TMC7: variants seen among roughly 807,000 people sequenced by gnomAD.
TMC7 encodes transmembrane channel-like protein 7.
TMC7 carries 54 observed loss-of-function variants against 82.9 expected under a neutral mutation model. The observed-to-expected ratio is 0.65, with a 90% CI of 0.52 to 0.82. The LOEUF (loss-of-function observed/expected upper bound fraction) is 0.82, where lower values mean the gene tolerates loss of function less well. Among genes scored for constraint, TMC7 ranks in the 40% least tolerant of loss-of-function variants. The pLI is 0.00. For synonymous variants in TMC7, 350 were observed against 337.9 expected, an observed-to-expected ratio of 1.04 and a Z score of -0.39; for missense variants, 820 against 901.2, an observed-to-expected ratio of 0.91 and a Z score of 1.15.
chr16:19,001,474 A>T (rs2039139775), intron 1 of TMC7, among the ~76,000 whole-genome samples: 1 of 152,180 alleles, frequency 6.6e-6, no homozygotes. Context: ...TGAGCCCAGA[A>T]GTTCGAGACT....
At chr16:18,996,184 C>T (rs1016966528) in intron 1 of TMC7, among the ~76,000 whole-genome samples, 1 of 151,988 alleles carries the variant, frequency 6.6e-6, no homozygotes, top group African/African-American at 2.4e-5. Flanking sequence ...TGGGACCTGG[C>T]TTGGCCTGGC....
chr16:19,010,157 C>CCCTCT (rs1309625664), intron 2 of TMC7, among the ~76,000 whole-genome samples: 1 of 141,402 alleles, frequency 7.1e-6, no homozygotes, highest in Non-Finnish European at 1.5e-5. Context: ...CCCTCCCCTC[C>CCCTCT]TCTCCTCTCC....
chr16:19,060,236 A>G (rs1197453684), intron 15 of TMC7, among the ~76,000 whole-genome samples: 1 of 151,814 alleles, frequency 6.6e-6, no homozygotes, highest in African/African-American at 2.4e-5. Context: ...ACGGGGTCTC[A>G]CTCTCTCGCC....
intron 1 of TMC7, among the ~76,000 whole-genome samples, chr16:19,007,706 A>T (rs2039266225): frequency 6.6e-6 from 1 of 151,832 alleles, no homozygotes; most frequent in Non-Finnish European, 1.5e-5. Flanking sequence ...ATAAAGAGAG[A>T]CAATACCTGA....
chr16:19,045,847 C>T (rs1042392855), intron 11 of TMC7, among the ~76,000 whole-genome samples: 5 of 152,016 alleles, frequency 3.3e-5, no homozygotes, highest in African/African-American at 4.8e-5. Flanking sequence ...CCACCTGCCT[C>T]GGGCTTCCAA....
At chr16:19,023,978 TATAC>T (rs1243677306) in intron 5 of TMC7, among the ~76,000 whole-genome samples, 1 of 152,188 alleles carries the variant, frequency 6.6e-6, no homozygotes, top group Non-Finnish European at 1.5e-5. Flanking sequence ...GATATGCACA[TATAC>T]CTGCATATCA....
At chr16:19,002,325 C>T (rs922926784) in intron 1 of TMC7, among the ~76,000 whole-genome samples, 1 of 151,692 alleles carries the variant, frequency 6.6e-6, no homozygotes, top group African/African-American at 2.4e-5. Flanking sequence ...CAACCCCCGC[C>T]TCCTGGGTTC....
At chr16:19,006,286 C>T (rs757542739) in intron 1 of TMC7, among the ~76,000 whole-genome samples, 7 of 151,832 alleles carry the variant, frequency 4.6e-5, no homozygotes, top group East Asian at 3.9e-4. Flanking sequence ...CTGCAACCTC[C>T]GCCTCCTGGG....
intron 1 of TMC7, among the ~76,000 whole-genome samples, chr16:19,007,339 T>C (rs1373096043): frequency 6.6e-6 from 1 of 152,138 alleles, no homozygotes; most frequent in Non-Finnish European, 1.5e-5. Context: ...ATTACTTCCA[T>C]TGAGTCCTTT....
In TMC7 at chr16:18,984,087, G is replaced by A; in HGVS notation, c.24G>A (p.Ala8=). 1 of 1,500,738 alleles carries A rather than the reference G, an allele frequency of 6.7e-7. No individual in the cohort carries two copies. Among genetic ancestry groups the A allele is most frequent in the Admixed American group, 2.1e-5 (1 of 47,160 alleles). The allele number at this position is 1,500,738 out of a possible 1,614,324, so 93.0% of individuals were successfully genotyped here. A position where few individuals can be genotyped will look rare whatever the true frequency, so the allele number is the denominator to read the frequency against. The stretch of plus-strand genomic sequence containing the variant: ...CCATGAGCGAGTCCAGCGGCAGTGC[G>A]CTCCAGCCCGGCAGGCCCAGCCGGC... The part of the protein sequence containing the change: MSESSGS[A]LQPGRPSRQP... The change falls in exon 1 of 16, where the codon GCG becomes GCA. Residue 8 remains alanine (A), a synonymous_variant. Transcript: ENST00000304381.
At chr16:18,999,827 G>A (rs186836369) in intron 1 of TMC7, among the ~76,000 whole-genome samples, 2,942 of 152,094 alleles carry the variant, frequency 0.019, 46 homozygotes, top group South Asian at 0.08. Flanking sequence ...GCAGTGGCGC[G>A]ATCTCGGCTC....
intron 14 of TMC7, among the ~76,000 whole-genome samples, chr16:19,058,279 C>A (rs1004220325): frequency 2.6e-5 from 4 of 152,034 alleles, no homozygotes; most frequent in Admixed American, 6.6e-5. Context: ...ACTTAGGAGG[C>A]TGAGGCAGGA....
chr16:18,997,729 CT>C (rs60256405), intron 1 of TMC7, among the ~76,000 whole-genome samples: 59,981 of 116,504 alleles, frequency 0.51, 14,224 homozygotes, highest in East Asian at 0.73. Context: ...CAAATCCAGC[CT>C]TTTTTTTTTT....
intron 7 of TMC7, among the ~76,000 whole-genome samples, chr16:19,036,368 G>T (rs1456476457): frequency 6.6e-6 from 1 of 152,232 alleles, no homozygotes; most frequent in East Asian, 1.9e-4. Context: ...AATTAGCCAG[G>T]CATGGTGGCA....
At chr16:19,022,918 G>A (rs142240612) in intron 4 of TMC7, among the ~76,000 whole-genome samples, 195 bp from the exon 5 acceptor site, 2,539 of 152,244 alleles carry the variant, frequency 0.017, 36 homozygotes, top group Non-Finnish European at 0.022. Flanking sequence ...TACTTGGGAG[G>A]TTGAGGCAGG....
At chr16:19,060,008 G>A (rs1232626361) in intron 15 of TMC7, 23 of 286,890 alleles carry the variant, frequency 8.0e-5, no homozygotes, top group African/African-American at 5.0e-4. Context: ...TGTGTATTAA[G>A]TACCTACTCT....
At position 19,040,380 on chromosome 16, in the gene TMC7, T is replaced by A; in HGVS notation, c.1271T>A (p.Ile424Asn). 6.2e-7 allele frequency: 1 copy of A among 1,613,930 alleles called. No homozygotes were observed. Among genetic ancestry groups the A allele is most frequent in the Non-Finnish European group, 8.5e-7 (1 of 1,180,014 alleles). Residue 424 changes from isoleucine (I) to asparagine (N), a missense_variant, in exon 9 of 16, where the codon ATC becomes AAC. Ile to Asn is a moderately radical substitution (Grantham distance 149, BLOSUM62 -3). Coordinates refer to ENST00000304381, the MANE Select transcript of TMC7 (RefSeq NM_024847.4). ...ITLANFITPM[I>N]FAKIIRYEDY... is the part of the protein sequence containing the mutation. ...CTGGCCAATTTTATCACCCCAATGA[T>A]CTTTGCCAAGATCATCCGCTATGAG...
chr16:19,027,060 C>G (rs982878450), intron 5 of TMC7, among the ~76,000 whole-genome samples: 1 of 44,228 alleles, frequency 2.3e-5, no homozygotes, highest in Admixed American at 3.6e-4. Context: ...CCACACCTGA[C>G]CTTTTTTTTT....
intron 1 of TMC7, among the ~76,000 whole-genome samples, chr16:19,003,534 C>T (rs1362826148): frequency 6.7e-6 from 1 of 149,418 alleles, no homozygotes; most frequent in Non-Finnish European, 1.5e-5. Context: ...GGAGGTGTGC[C>T]CAACAGCTCA....
Sources: allele counts gnomAD v4.1 joint callset (sites outside exome capture counted in the v4.1 genomes callset), GRCh38; gene constraint gnomAD v4.1.1; transcripts MANE v1.5; gene names NCBI Gene and HGNC (gene_info 2026-07-23, HGNC 2026-07-21).